NBAS: variants seen among roughly 807,000 people sequenced by gnomAD.
NBAS encodes NBAS subunit of NRZ tethering complex, also known as NAG/BC035112 fusion.
A neutral mutation model predicts 302.5 loss-of-function variants in NBAS; 219 were observed. The ratio of observed to expected loss-of-function variants is 0.72; its 90% confidence interval spans 0.65 to 0.81. The LOEUF (loss-of-function observed/expected upper bound fraction) is 0.81, where lower values mean the gene tolerates loss of function less well. NBAS is among the 30% of genes least tolerant of loss of function. The probability of loss-of-function intolerance (pLI) is 0.00; values close to 1 mark genes in which losing one functional copy is unlikely to be tolerated. For synonymous variants in NBAS, 1,118 were observed against 1,021.6 expected (o/e 1.09, Z -1.80); for missense variants, 2,932 against 2,841.6 (o/e 1.03, Z -0.72).
chr2:15,178,162 C>T (rs1664639658), intron 51 of NBAS: 1 of 470,160 alleles, frequency 2.1e-6, no homozygotes, highest in Non-Finnish European at 4.4e-6. Flanking sequence ...GATATCCTGC[C>T]ACATTTTTGT....
At chr2:14,952,983 G>T in the NBAS span, among the ~76,000 whole-genome samples, 12 of 152,328 alleles carry the variant, frequency 7.9e-5, no homozygotes, top group African/African-American at 2.9e-4. Context: ...GAGGATGAAG[G>T]TAGATGGAGA....
chr2:14,962,149 G>C, the NBAS span, among the ~76,000 whole-genome samples: 3 of 152,134 alleles, frequency 2.0e-5, no homozygotes, highest in African/African-American at 7.2e-5. Flanking sequence ...TGATACTGTG[G>C]ATATTTTTCT....
At chr2:14,927,651 C>T in the NBAS span, among the ~76,000 whole-genome samples, 1 of 152,222 alleles carries the variant, frequency 6.6e-6, no homozygotes. Flanking sequence ...TTTCCAGTGT[C>T]TGCACTGCAT....
chr2:15,225,328 C>A (rs1667108981), intron 47 of NBAS, among the ~76,000 whole-genome samples: 1 of 152,152 alleles, frequency 6.6e-6, no homozygotes. Context: ...ATTGCGGTAA[C>A]AGAGTGGATC....
Position 15,218,849 on chromosome 2 carries a change from A to C in NBAS, c.6356T>G (p.Leu2119Arg), listed in dbSNP as rs1394368814. ...VLQILGQSFHLTEEDSKLLVF... is the reference protein window; with the variant it reads ...VLQILGQSFHRTEEDSKLLVF... Reference sequence around the variant, plus strand: ...GAGGAGCTTGCTGTCCTCCTCAGTCAGGTGAAATGATTGCCCCAAAATCTG... The same window carrying C: ...GAGGAGCTTGCTGTCCTCCTCAGTCCGGTGAAATGATTGCCCCAAAATCTG... Residue 2119 changes from leucine (L) to arginine (R), a missense_variant, in exon 48 of 52, where the codon CTG (leucine) becomes CGG (arginine). Coordinates refer to ENST00000281513, the MANE Select transcript of NBAS (RefSeq NM_015909.4). The C allele has an allele frequency of 2.5e-6, 4 of 1,614,274 alleles. No individual in the cohort carries two copies. Among genetic ancestry groups the C allele is most frequent in the Non-Finnish European group, 3.4e-6 (4 of 1,180,044 alleles).
intron 40 of NBAS, among the ~76,000 whole-genome samples, chr2:15,304,923 T>C (rs1670961772): frequency 6.6e-6 from 1 of 152,206 alleles, no homozygotes; most frequent in African/African-American, 2.4e-5. Context: ...CAGTTAGTTC[T>C]AGGAAGTAAC....
At chr2:15,491,259 A>G (rs769998796) in intron 11 of NBAS, among the ~76,000 whole-genome samples, 3 of 152,202 alleles carry the variant, frequency 2.0e-5, no homozygotes, top group Non-Finnish European at 4.4e-5. Context: ...CATGATCCTC[A>G]TTCTGGAGGT....
chr2:15,196,139 GCTCT>G (rs987251163), intron 48 of NBAS, among the ~76,000 whole-genome samples: 11 of 152,114 alleles, frequency 7.2e-5, no homozygotes, highest in African/African-American at 2.7e-4. Flanking sequence ...TTTGCCTCGG[GCTCT>G]CTCTGCCTTA....
intron 21 of NBAS, among the ~76,000 whole-genome samples, chr2:15,437,316 T>G (rs769930382): frequency 6.6e-6 from 1 of 151,976 alleles, no homozygotes; most frequent in Non-Finnish European, 1.5e-5. Context: ...CTCCATCTCT[T>G]GAAAGAGAAA....
At chr2:14,782,187 C>A in the NBAS span, among the ~76,000 whole-genome samples, 2 of 152,244 alleles carry the variant, frequency 1.3e-5, no homozygotes, top group Non-Finnish European at 2.9e-5. Flanking sequence ...TCTCCCCTAG[C>A]ACTCCAGATT....
chr2:15,358,868 C>T (rs957735104), intron 32 of NBAS, among the ~76,000 whole-genome samples: 4 of 152,158 alleles, frequency 2.6e-5, no homozygotes, highest in African/African-American at 7.2e-5. Flanking sequence ...TAAAGGCTAA[C>T]AGAATGAAAA....
At chr2:15,557,666 T>C (rs1664710930) in intron 2 of NBAS, among the ~76,000 whole-genome samples, 1 of 152,192 alleles carries the variant, frequency 6.6e-6, no homozygotes, top group Non-Finnish European at 1.5e-5. Flanking sequence ...ATAAGGAACT[T>C]AAATTCACTG....
At chr2:15,441,244 G>C (rs1678382604) in intron 21 of NBAS, among the ~76,000 whole-genome samples, 1 of 152,036 alleles carries the variant, frequency 6.6e-6, no homozygotes, top group Admixed American at 6.6e-5. Flanking sequence ...AAATGTTAAG[G>C]GCAGCCAGAG....
the NBAS span, among the ~76,000 whole-genome samples, chr2:14,822,418 C>G: frequency 6.6e-6 from 1 of 152,112 alleles, no homozygotes; most frequent in Non-Finnish European, 1.5e-5. Context: ...ATGAGAGACT[C>G]TCAGCTGTCT....
At chr2:15,264,936 T>G (rs1332551812) in intron 44 of NBAS, among the ~76,000 whole-genome samples, 1 of 152,184 alleles carries the variant, frequency 6.6e-6, no homozygotes, top group Non-Finnish European at 1.5e-5. Context: ...CCCTTATTAT[T>G]ATTATGTGGT....
At chr2:15,379,126 T>C (rs1426493693) in intron 30 of NBAS, among the ~76,000 whole-genome samples, 8 of 151,540 alleles carry the variant, frequency 5.3e-5, no homozygotes, top group African/African-American at 1.7e-4. Context: ...ATTGAACTCA[T>C]AGTCTAGAAA....
intron 41 of NBAS, among the ~76,000 whole-genome samples, chr2:15,290,484 C>T (rs1031635989): frequency 6.6e-6 from 1 of 152,154 alleles, no homozygotes; most frequent in African/African-American, 2.4e-5. Context: ...AAAACTCTAG[C>T]AAAATGTAAC....
At chr2:15,064,536 T>A in the NBAS span, among the ~76,000 whole-genome samples, 1 of 152,036 alleles carries the variant, frequency 6.6e-6, no homozygotes. Flanking sequence ...CAGAAAAATC[T>A]GGACAGACCA....
At chr2:15,228,162 C>A (rs1302233713) in intron 47 of NBAS, among the ~76,000 whole-genome samples, 1 of 151,990 alleles carries the variant, frequency 6.6e-6, no homozygotes, top group Non-Finnish European at 1.5e-5. Context: ...AATAATCTGA[C>A]TTAAAAGGAG....
Sources: gnomAD v4.1 joint callset for allele counts (sites outside exome capture counted in the v4.1 genomes callset) on GRCh38, gnomAD v4.1.1 for gene constraint, MANE v1.5 for transcripts, NCBI Gene and HGNC (gene_info 2026-07-23, HGNC 2026-07-21) for gene names.